NKAP: variants seen among roughly 807,000 people sequenced by gnomAD.
The protein encoded by NKAP is NFKB activating protein.
In NKAP, 4 loss-of-function variants were observed where a neutral mutation model predicts 35.6. The observed-to-expected ratio is 0.11, with a 90% confidence interval of 0.06 to 0.26. The LOEUF is 0.26. NKAP is among the 10% of genes least tolerant of loss of function. NKAP has a pLI of 1.00. For missense variants in NKAP, 238 were observed against 321.9 expected (o/e 0.74, Z 1.99); for synonymous variants, 106 against 119.2 (o/e 0.89, Z 0.72).
At chrX:119,941,585 G>T (rs1309838531) in intron 1 of NKAP, among the ~76,000 whole-genome samples, 1 of 111,582 alleles carries the variant, frequency 9.0e-6, no homozygotes, top group Non-Finnish European at 1.9e-5. Flanking sequence ...TCTGGAGTTT[G>T]TCCTTTTCCT....
At chrX:119,939,075 T>C (rs1339434021) in intron 1 of NKAP, among the ~76,000 whole-genome samples, 1 of 112,254 alleles carries the variant, frequency 8.9e-6, no homozygotes, top group African/African-American at 3.2e-5. Context: ...TAACTGCTCA[T>C]TTCATCATCT....
chrX:119,932,640 ATTCTAAC>A (rs1386331981), intron 5 of NKAP: 1 of 111,809 alleles, frequency 8.9e-6, no homozygotes, highest in African/African-American at 3.3e-5. Context: ...TTTAAAAAGT[ATTCTAAC>A]TTATTTAACC....
chrX:119,925,152 T>C lies in NKAP; in HGVS notation c.*68A>G, dbSNP rs1225367879. On this transcript the variant is annotated 3_prime_UTR_variant, in exon 9 of 9. Transcript: ENST00000371410. ...TTCTCAGAACATAATAATCTTTTTC[T>C]ATGTATGTGTGGAACCCAGACTTTC... 9.4e-7 allele frequency: 1 copy of C among 1,062,619 alleles called. No homozygotes were observed. The highest frequency in any genetic ancestry group is 1.9e-5 in the African/African-American group (1 of 53,235). 87.6% of individuals were successfully genotyped at this position (1,062,619 alleles called of 1,213,427 possible). A position where few individuals can be genotyped will look rare whatever the true frequency, so the allele number is the denominator to read the frequency against.
chrX:119,943,499 G>A lies in NKAP; in HGVS notation c.107C>T (p.Ser36Phe), dbSNP rs1234742753. The change falls in exon 1 of 9, where the codon TCC becomes TTC. Residue 36 changes from serine (S) to phenylalanine (F), a missense_variant. By Grantham distance (155) the Ser-to-Phe change is radical. Coordinates refer to ENST00000371410, the MANE Select transcript of NKAP (RefSeq NM_024528.4). ...KSPKPSKSAR[S>F]PRGRRSRSHS... Reference sequence around the variant, plus strand: ...CGAGCGAGAGCGGCGGCCCCGCGGGGAGCGGGCAGATTTGCTGGGCTTCGG... The same window carrying A: ...CGAGCGAGAGCGGCGGCCCCGCGGGAAGCGGGCAGATTTGCTGGGCTTCGG... The A allele has an allele frequency of 6.6e-6, 8 of 1,211,523 alleles. No homozygotes were observed. The highest frequency in any genetic ancestry group is 8.9e-6 in the Non-Finnish European group (8 of 895,248).
intron 7 of NKAP, 37 bp downstream of exon 7, chrX:119,931,899 T>A: frequency 9.5e-7 from 1 of 1,057,474 alleles, no homozygotes; most frequent in Non-Finnish European, 1.3e-6. Flanking sequence ...GACTTTTTGG[T>A]AGGTACTTTA....
intron 7 of NKAP, among the ~76,000 whole-genome samples, chrX:119,930,647 C>T (rs1415709249): frequency 9.1e-6 from 1 of 110,362 alleles, no homozygotes; most frequent in Non-Finnish European, 1.9e-5. Context: ...AGCGAAACCC[C>T]GTCTCTACTA....
chrX:119,934,622 G>T, intron 4 of NKAP, 65 bp from the exon 5 acceptor site: 1 of 765,385 alleles, frequency 1.3e-6, no homozygotes, highest in Non-Finnish European at 1.9e-6. Flanking sequence ...TAGTACTTTT[G>T]AGTAGGTAAC....
rs1159063856 is a variant in NKAP at position 119,924,210 on chromosome X, C to T, written c.*1010G>A. 9.0e-6 allele frequency: 1 copy of T among 110,584 alleles called. No homozygotes were observed. Among genetic ancestry groups the T allele is most frequent in the Non-Finnish European group, 1.9e-5 (1 of 52,992 alleles). The allele number at this position is 110,584 out of a possible 1,213,427, so 9.1% of individuals were successfully genotyped here. ...GTTCCTATCAAGTCCATTTATAACA[C>T]ATTCAACACAGAGGAGTGATAATTT... On this transcript the variant is annotated 3_prime_UTR_variant, in exon 9 of 9. Coordinates refer to ENST00000371410, the MANE Select transcript of NKAP (RefSeq NM_024528.4).
chrX:119,923,048 T>C lies in NKAP; in HGVS notation c.*2172A>G, dbSNP rs2056694540. ...CAAGATGGCGAAACCCCATCTCTAT[T>C]GAAAATACAAAAATTAGCCAGTTGT... On this transcript the variant is annotated 3_prime_UTR_variant, in exon 9 of 9. Coordinates refer to ENST00000371410, the MANE Select transcript of NKAP (RefSeq NM_024528.4). 9.1e-6 allele frequency: 1 copy of C among 110,382 alleles called. No individual in the cohort carries two copies. The highest frequency in any genetic ancestry group is 1.9e-5 in the Non-Finnish European group (1 of 52,833). The allele number at this position is 110,382 out of a possible 1,213,427, so 9.1% of individuals were successfully genotyped here.
At chrX:119,941,643 T>A (rs1198347322) in intron 1 of NKAP, among the ~76,000 whole-genome samples, 1 of 111,360 alleles carries the variant, frequency 9.0e-6, no homozygotes, top group East Asian at 2.8e-4. Context: ...TGTTTGTTTT[T>A]GAGACAGCAT....
At chrX:119,939,045 T>A (rs1041596152) in intron 1 of NKAP, among the ~76,000 whole-genome samples, 5 of 112,362 alleles carry the variant, frequency 4.4e-5, no homozygotes, top group Non-Finnish European at 9.4e-5. Flanking sequence ...TCCATTCTGC[T>A]GAATGCATGA....
chrX:119,941,406 T>A (rs1387349497), intron 1 of NKAP, among the ~76,000 whole-genome samples: 1 of 111,413 alleles, frequency 9.0e-6, no homozygotes, highest in Non-Finnish European at 1.9e-5. Context: ...AGCCACTTAA[T>A]TATTACAATC....
At chrX:119,934,374 A>T in intron 5 of NKAP, 120 bp downstream of exon 5, 1 of 399,662 alleles carries the variant, frequency 2.5e-6, no homozygotes, top group Non-Finnish European at 3.8e-6. Flanking sequence ...CGGAGGTTGT[A>T]GTTAGCTGAC....
chrX:119,937,930 A>G (rs1010316644), intron 2 of NKAP: 2 of 112,193 alleles, frequency 1.8e-5, no homozygotes, highest in Non-Finnish European at 3.8e-5. Flanking sequence ...CATTGTCTCA[A>G]CTCAACCTAA....
intron 5 of NKAP, 30 bp from the exon 6 acceptor site, chrX:119,932,246 ACTT>A: frequency 9.6e-7 from 1 of 1,046,030 alleles, no homozygotes; most frequent in Non-Finnish European, 1.3e-6. Context: ...ATACAAATTC[ACTT>A]AATCTTCCTA....
intron 4 of NKAP, among the ~76,000 whole-genome samples, chrX:119,935,799 T>A (rs2056763618): frequency 9.0e-6 from 1 of 111,643 alleles, no homozygotes. Context: ...ATAGGGTGCC[T>A]TCCACAAATA....
chrX:119,937,292 T>G (rs907519325), intron 2 of NKAP: 3 of 111,815 alleles, frequency 2.7e-5, no homozygotes, highest in African/African-American at 9.7e-5. Flanking sequence ...AAGATCATAC[T>G]TGGAGTAATT....
chrX:119,926,018 G>A (rs1419363905), intron 8 of NKAP, among the ~76,000 whole-genome samples: 20 of 84,461 alleles, frequency 2.4e-4, no homozygotes, highest in Non-Finnish European at 6.7e-5. Flanking sequence ...CTGCAGTGGC[G>A]CAATCTCGGC....
intron 1 of NKAP, among the ~76,000 whole-genome samples, chrX:119,942,291 G>A (rs1379449203): frequency 9.0e-6 from 1 of 110,557 alleles, no homozygotes; most frequent in Admixed American, 9.7e-5. Context: ...TGGGCAACAT[G>A]GTGAAACCCT....
Sources: allele counts gnomAD v4.1 joint callset (sites outside exome capture counted in the v4.1 genomes callset), GRCh38; gene constraint gnomAD v4.1.1; transcripts MANE v1.5; gene names NCBI Gene and HGNC (gene_info 2026-07-23, HGNC 2026-07-21).